Variants in KIRREL3 observed in about 807,000 individuals in gnomAD.
KIRREL3 encodes kirre like nephrin family adhesion molecule 3.
In KIRREL3, 36 loss-of-function variants were observed where a neutral mutation model predicts 89.7. The ratio of observed to expected loss-of-function variants is 0.40; its 90% confidence interval spans 0.31 to 0.53. KIRREL3 has a LOEUF of 0.53. Among genes scored for constraint, KIRREL3 ranks in the 20% least tolerant of loss-of-function variants. The probability of loss-of-function intolerance (pLI) is 0.49; values close to 1 mark genes in which losing one functional copy is unlikely to be tolerated. For missense variants in KIRREL3, 864 were observed against 1,056.6 expected, an observed-to-expected ratio of 0.82 and a Z score of 2.53; for synonymous variants, 445 against 441.4, an observed-to-expected ratio of 1.01 and a Z score of -0.10.
intron 1 of KIRREL3, among the ~76,000 whole-genome samples, chr11:126,793,281 G>A (rs1950703720): frequency 6.6e-6 from 1 of 152,160 alleles, no homozygotes; most frequent in African/African-American, 2.4e-5. Context: ...ATTCACTGGG[G>A]ACCATGGGTC....
In KIRREL3 at chr11:126,550,943, G is replaced by A. The variant is rs529736009; in HGVS notation, c.133+11892C>T. Among the ~76,000 whole-genome samples, 5 of 152,268 alleles carry A rather than the reference G, an allele frequency of 3.3e-5. No individual in the cohort carries two copies. The highest frequency in any genetic ancestry group is 2.6e-4 in the Admixed American group (4 of 15,296). On this transcript the variant is annotated intron_variant, in intron 2 of 16. Coordinates refer to ENST00000525144, the MANE Select transcript of KIRREL3 (RefSeq NM_032531.4). The surrounding 1 kb of genome is among the most constrained non-coding windows in gnomAD (Gnocchi z 4.9). ...TCCCCAAGACTTCCCCCACACCCTG[G>A]CACCTGTCACAAGTTCAGGCTTCCA... is the stretch of plus-strand genomic sequence containing the variant.
At position 126,996,090 on chromosome 11, in the gene KIRREL3, G is replaced by A. The variant is rs1240218265; in HGVS notation, c.55+4365C>T. On this transcript the variant is annotated intron_variant, in intron 1 of 16. Coordinates refer to ENST00000525144, the MANE Select transcript of KIRREL3 (RefSeq NM_032531.4). The surrounding 1 kb of genome is among the most constrained non-coding windows in gnomAD (Gnocchi z 4.7). ...TCAATAGGTCTGGCTGGCAACTGAG[G>A]ACTCCCTACTGGGATACAGACATGC... Among the ~76,000 whole-genome samples the A allele has an allele frequency of 6.6e-6, 1 of 152,084 alleles. No individual in the cohort carries two copies. The highest frequency in any genetic ancestry group is 1.9e-4 in the East Asian group (1 of 5,162).
rs1187308474 is a variant in KIRREL3 at position 126,587,357 on chromosome 11, C to T, written c.56-24445G>A. 6.6e-6 allele frequency among the ~76,000 whole-genome samples: 1 copy of T among 152,158 alleles called. No individual in the cohort carries two copies. Among genetic ancestry groups the T allele is most frequent in the Non-Finnish European group, 1.5e-5 (1 of 68,016 alleles). On this transcript the variant is annotated intron_variant, in intron 1 of 16. Transcript: ENST00000525144. The surrounding 1 kb of genome is among the most constrained non-coding windows in gnomAD (Gnocchi z 5.2). ...ATGTTTGGTCTGGCCTGGAGCAGAG[C>T]TGCAGGGGAAGCTGTGAGGCATGAG...
In KIRREL3 at chr11:126,709,993, C is replaced by T. The variant is rs997220032; in HGVS notation, c.56-147081G>A. On this transcript the variant is annotated intron_variant, in intron 1 of 16. Coordinates refer to ENST00000525144, the MANE Select transcript of KIRREL3 (RefSeq NM_032531.4). This position sits in a 1 kb window ranked among gnomAD's most constrained non-coding sequence, Gnocchi z 4.0. ...CATTATCACTAATCCTTACACATGCCCTGCCAGGAAGTTACTGTCACAGCC... is the reference window on the plus strand; with the variant it reads ...CATTATCACTAATCCTTACACATGCTCTGCCAGGAAGTTACTGTCACAGCC... Among the ~76,000 whole-genome samples the T allele has an allele frequency of 6.6e-6, 1 of 152,154 alleles. No individual in the cohort carries two copies.
intron 1 of KIRREL3, among the ~76,000 whole-genome samples, chr11:126,784,718 C>T (rs887514825): frequency 3.0e-4 from 45 of 151,964 alleles, no homozygotes; most frequent in Admixed American, 3.3e-4. Context: ...CTTATGTCCT[C>T]GGTCGGGTGC....
rs1946489290 is a variant in KIRREL3, at chr11:126,904,306, T to C, written c.55+96149A>G. ...TCTACATTCAAGGTAAATGTCTGTA[T>C]TTTATGGCCCGAAGCCCCCAAACTC... On this transcript the variant is annotated intron_variant, in intron 1 of 16. Transcript: ENST00000525144. This position sits in a 1 kb window ranked among gnomAD's most constrained non-coding sequence, Gnocchi z 4.4. Among the ~76,000 whole-genome samples the C allele has an allele frequency of 6.6e-6, 1 of 152,230 alleles. No individual in the cohort carries two copies.
rs1295753570 is a variant in KIRREL3, at chr11:126,557,691, T to C, written c.133+5144A>G. Among the ~76,000 whole-genome samples, 1 of 152,168 alleles carries C rather than the reference T, an allele frequency of 6.6e-6. No homozygotes were observed. Among genetic ancestry groups the C allele is most frequent in the Non-Finnish European group, 1.5e-5 (1 of 68,032 alleles). ...TAAAGAACAGGCTCTCACGCCATCA[T>C]AAAGAACTTTAGAGCTGTCGAAGAA... On this transcript the variant is annotated intron_variant, in intron 2 of 16. Coordinates refer to ENST00000525144, the MANE Select transcript of KIRREL3 (RefSeq NM_032531.4). This position sits in a 1 kb window ranked among gnomAD's most constrained non-coding sequence, Gnocchi z 5.6.
rs7944841 is a variant in KIRREL3 at position 126,562,009 on chromosome 11, C to T, written c.133+826G>A. Among the ~76,000 whole-genome samples the T allele has an allele frequency of 0.17, 25,507 of 152,150 alleles. 2,316 individuals are homozygous for T. The highest frequency in any genetic ancestry group is 0.2 in the Non-Finnish European group (13,395 of 67,986). On this transcript the variant is annotated intron_variant, in intron 2 of 16. Transcript: ENST00000525144. This position sits in a 1 kb window ranked among gnomAD's most constrained non-coding sequence, Gnocchi z 4.7. ...GGCCCTGGAAGGGGAGGGGTCCAGC[C>T]CATGGCAAGCATGGCTGGTGGGAGC... is the stretch of plus-strand genomic sequence containing the variant.
intron 1 of KIRREL3, among the ~76,000 whole-genome samples, chr11:126,790,789 A>G (rs1325180953): frequency 2.6e-5 from 4 of 152,068 alleles, no homozygotes; most frequent in Non-Finnish European, 4.4e-5. Flanking sequence ...TGGAGCAGCC[A>G]CATCTGCTTG....
intron 1 of KIRREL3, among the ~76,000 whole-genome samples, chr11:126,619,842 A>T (rs1943505910): frequency 6.6e-6 from 1 of 152,206 alleles, no homozygotes; most frequent in African/African-American, 2.4e-5. Context: ...GGAATGGCTC[A>T]TACCCACCAG....
At chr11:126,926,657 C>T (rs1438165841) in intron 1 of KIRREL3, among the ~76,000 whole-genome samples, 1 of 152,210 alleles carries the variant, frequency 6.6e-6, no homozygotes, top group Non-Finnish European at 1.5e-5. Flanking sequence ...AGCCACCTGG[C>T]ATGAGCTTGA....
In KIRREL3 at chr11:126,724,446, C is replaced by T. The variant is rs1329778395; in HGVS notation, c.56-161534G>A. Reference sequence around the variant, plus strand: ...CAGAGTGAGTGAGCCAGCAGATGGACACCCTGGAGGTTCGGAGCCATGTCA... The same window carrying T: ...CAGAGTGAGTGAGCCAGCAGATGGATACCCTGGAGGTTCGGAGCCATGTCA... On this transcript the variant is annotated intron_variant, in intron 1 of 16. Transcript: ENST00000525144. This position sits in a 1 kb window ranked among gnomAD's most constrained non-coding sequence, Gnocchi z 4.3. Among the ~76,000 whole-genome samples the T allele has an allele frequency of 1.3e-5, 2 of 152,190 alleles. No individual in the cohort carries two copies. Among genetic ancestry groups the T allele is most frequent in the Non-Finnish European group, 2.9e-5 (2 of 68,028 alleles).
intron 1 of KIRREL3, among the ~76,000 whole-genome samples, chr11:126,774,196 T>G (rs1474209305): frequency 6.8e-6 from 1 of 146,032 alleles, no homozygotes; most frequent in Admixed American, 7.0e-5. Context: ...ATAAATGAAT[T>G]GGGATAGGAA....
intron 1 of KIRREL3, among the ~76,000 whole-genome samples, chr11:126,693,510 A>G (rs1323374908): frequency 6.6e-6 from 1 of 152,160 alleles, no homozygotes; most frequent in Non-Finnish European, 1.5e-5. Flanking sequence ...AAGGAGAGAA[A>G]GAGACTCTGC....
intron 1 of KIRREL3, among the ~76,000 whole-genome samples, chr11:126,968,352 A>G (rs1329511416): frequency 2.0e-5 from 3 of 152,240 alleles, no homozygotes; most frequent in African/African-American, 7.2e-5. Flanking sequence ...TGCAAAAGAA[A>G]GAAAGGGGGA....
chr11:126,910,153 C>T (rs1441929788), intron 1 of KIRREL3, among the ~76,000 whole-genome samples: 1 of 152,162 alleles, frequency 6.6e-6, no homozygotes, highest in Non-Finnish European at 1.5e-5. Context: ...ACAGCTCAAT[C>T]TTCTACTCCC....
At chr11:126,738,970 T>A in intron 1 of KIRREL3, among the ~76,000 whole-genome samples, 1 of 152,208 alleles carries the variant, frequency 6.6e-6, no homozygotes, top group African/African-American at 2.4e-5. Flanking sequence ...GCCTACTGTG[T>A]TCCAGGTGGC....
At position 126,778,131 on chromosome 11, in the gene KIRREL3, T is replaced by G. The variant is rs1327660504; in HGVS notation, c.56-215219A>C. Among the ~76,000 whole-genome samples the G allele has an allele frequency of 6.6e-6, 1 of 152,106 alleles. No homozygotes were observed. The highest frequency in any genetic ancestry group is 1.5e-5 in the Non-Finnish European group (1 of 68,006). On this transcript the variant is annotated intron_variant, in intron 1 of 16. Coordinates refer to ENST00000525144, the MANE Select transcript of KIRREL3 (RefSeq NM_032531.4). This position sits in a 1 kb window ranked among gnomAD's most constrained non-coding sequence, Gnocchi z 4.5. The stretch of plus-strand genomic sequence containing the variant: ...GCCCCCTGACCTCCCCACCCAGAGA[T>G]AAATACATTTAACATTTCAGTGGAT...
In KIRREL3 at chr11:126,858,879, G is replaced by A. The variant is rs147590082; in HGVS notation, c.55+141576C>T. 1.3e-3 allele frequency among the ~76,000 whole-genome samples: 202 copies of A among 152,282 alleles called. 4 individuals are homozygous for A. The East Asian group carries it at 0.032, about 24-fold the overall frequency. ...ATGTCAGGTTGCTAGAAGGGACAGT[G>A]GATTTTCCTAGGAAAAAGATTATTT... is the stretch of plus-strand genomic sequence containing the variant. On this transcript the variant is annotated intron_variant, in intron 1 of 16. Transcript: ENST00000525144.
Sources: gnomAD v4.1 joint callset for allele counts (sites outside exome capture counted in the v4.1 genomes callset) on GRCh38, gnomAD v4.1.1 for gene constraint, Gnocchi (gnomAD v3.1) non-coding constraint, MANE v1.5 for transcripts, NCBI Gene and HGNC (gene_info 2026-07-23, HGNC 2026-07-21) for gene names.